The following MAPK9 variants were observed in gnomAD, a reference collection of about 807,000 sequenced individuals.
MAPK9 encodes mitogen-activated protein kinase 9, also known as Jun kinase.
A neutral mutation model predicts 57.1 loss-of-function variants in MAPK9; 30 were observed. That is an observed-to-expected ratio of 0.53 (90% CI 0.39 to 0.71). The LOEUF (loss-of-function observed/expected upper bound fraction) is 0.71. MAPK9 is among the 30% of genes least tolerant of loss of function. The pLI is 0.00. For missense variants in MAPK9, 362 were observed against 521.0 expected (o/e 0.69, Z 2.97); for synonymous variants, 155 against 177.0 (o/e 0.88, Z 0.99).
intron 7 of MAPK9, among the ~76,000 whole-genome samples, chr5:180,243,411 G>A (rs1757811748): frequency 6.6e-6 from 1 of 152,144 alleles, no homozygotes; most frequent in Non-Finnish European, 1.5e-5. Flanking sequence ...AGGCTTCCTT[G>A]GGGTCTGTTT....
chr5:180,239,823 T>C (rs918905246), intron 10 of MAPK9, 101 bp downstream of exon 10: 1 of 1,167,420 alleles, frequency 8.6e-7, no homozygotes. Context: ...GCAGGGTTTC[T>C]TGCCCCTTCC....
intron 4 of MAPK9, 63 bp downstream of exon 4, chr5:180,264,718 C>T: frequency 7.0e-7 from 1 of 1,425,606 alleles, no homozygotes; most frequent in Non-Finnish European, 9.4e-7. Context: ...AAAGCAGTTG[C>T]TGTCTTTTCT....
In MAPK9 at chr5:180,247,191, G is replaced by A. The variant is rs1035814848; in HGVS notation, c.688+248C>T. The A allele has an allele frequency of 3.7e-6, 2 of 534,312 alleles. No homozygotes were observed. Among genetic ancestry groups the A allele is most frequent in the African/African-American group, 3.8e-5 (2 of 52,114 alleles). 33.1% of individuals were successfully genotyped at this position (534,312 alleles called of 1,614,324 possible). ...CCAGCTATTTTTGGCAAAATTAAGA[G>A]CTAATATAATCGGTTTAACTGAACT... On this transcript the variant is annotated intron_variant, in intron 7 of 11. Coordinates refer to ENST00000452135, the MANE Select transcript of MAPK9 (RefSeq NM_002752.5). The surrounding 1 kb of genome is among the most constrained non-coding windows in gnomAD (Gnocchi z 4.5).
intron 1 of MAPK9, among the ~76,000 whole-genome samples, chr5:180,289,195 G>C (rs948096345): frequency 6.6e-6 from 1 of 152,084 alleles, no homozygotes; most frequent in African/African-American, 2.4e-5. Flanking sequence ...GGTTTGTCTG[G>C]TCCTTTTCTT....
At position 180,242,658 on chromosome 5, in the gene MAPK9, G is replaced by A. The variant is rs768944763; in HGVS notation, c.786C>T (p.Asn262=). 2 of 1,614,164 alleles carry A rather than the reference G, an allele frequency of 1.2e-6. No homozygotes were observed. The highest frequency in any genetic ancestry group is 3.3e-5 in the Admixed American group (2 of 60,030). Residue 262 remains asparagine, a synonymous_variant, in exon 8 of 12, where the codon AAC becomes AAT. Coordinates refer to ENST00000452135, the MANE Select transcript of MAPK9 (RefSeq NM_002752.5). ...ATTTGATTCCAGGATACTTTGGTCT[G>A]TTTTCGACATAATTCCTCACAGTTG... ...LQPTVRNYVE[N]RPKYPGIKFE... is the part of the protein sequence containing the mutation.
intron 3 of MAPK9, among the ~76,000 whole-genome samples, chr5:180,269,065 G>C (rs1760989250): frequency 6.6e-6 from 1 of 152,128 alleles, no homozygotes; most frequent in African/African-American, 2.4e-5. Context: ...CATGAACCCG[G>C]GAGGTGGAGC....
At chr5:180,259,425 C>G (rs1237741286) in intron 5 of MAPK9, among the ~76,000 whole-genome samples, 1 of 152,088 alleles carries the variant, frequency 6.6e-6, no homozygotes, top group African/African-American at 2.4e-5. Flanking sequence ...TCTATGTAAA[C>G]ATGAAAAATC....
intron 2 of MAPK9, among the ~76,000 whole-genome samples, chr5:180,270,302 C>T (rs35383323): frequency 3.8e-4 from 58 of 152,104 alleles, no homozygotes; most frequent in Non-Finnish European, 7.5e-4. Context: ...ATGCTTTTGC[C>T]AAACTCGAAC....
intron 6 of MAPK9, among the ~76,000 whole-genome samples, chr5:180,248,382 G>C (rs192187993): frequency 6.6e-6 from 1 of 152,310 alleles, no homozygotes; most frequent in Admixed American, 6.5e-5. Context: ...CAGATGACCC[G>C]GGCAAACTTT....
intron 2 of MAPK9, among the ~76,000 whole-genome samples, chr5:180,280,210 AAAAAG>A (rs1192849140): frequency 6.6e-6 from 1 of 152,238 alleles, no homozygotes; most frequent in African/African-American, 2.4e-5. Flanking sequence ...GAAACAAACA[AAAAAG>A]AAAACTTGCT....
intron 2 of MAPK9, among the ~76,000 whole-genome samples, chr5:180,269,976 C>A (rs34052651): frequency 0.093 from 14,194 of 152,244 alleles, 881 homozygotes; most frequent in Middle Eastern, 0.13. Flanking sequence ...ATATAAAGTT[C>A]TTTTAGAACT....
chr5:180,261,824 T>C lies in MAPK9; in HGVS notation c.312-2A>G. On this transcript the variant is annotated splice_acceptor_variant, in intron 4 of 11. Transcript: ENST00000452135. LOFTEE classifies it high-confidence loss of function. ...TCCATTAATTCCATAACCAAATACC[T>C]GAGGGAGAAAAGGTCAGTTATTTAT... The C allele has an allele frequency of 1.3e-6, 2 of 1,597,864 alleles. No individual in the cohort carries two copies. The highest frequency in any genetic ancestry group is 1.7e-6 in the Non-Finnish European group (2 of 1,174,426).
chr5:180,251,418 A>G (rs1240050399), intron 5 of MAPK9, among the ~76,000 whole-genome samples: 1 of 152,228 alleles, frequency 6.6e-6, no homozygotes, highest in South Asian at 2.1e-4. Flanking sequence ...TCATCTGAAG[A>G]CACTGCCATC....
chr5:180,285,202 G>A (rs954543423), intron 1 of MAPK9, among the ~76,000 whole-genome samples: 1 of 152,120 alleles, frequency 6.6e-6, no homozygotes, highest in Non-Finnish European at 1.5e-5. Context: ...TACTATCCCC[G>A]CTCTGCAAAT....
intron 1 of MAPK9, among the ~76,000 whole-genome samples, chr5:180,288,946 A>T (rs1163929929): frequency 6.6e-6 from 1 of 152,250 alleles, no homozygotes; most frequent in Non-Finnish European, 1.5e-5. Flanking sequence ...TTAAAATAAA[A>T]AGAATGATGT....
chr5:180,257,274 T>G (rs1759388612), intron 5 of MAPK9, among the ~76,000 whole-genome samples: 1 of 152,226 alleles, frequency 6.6e-6, no homozygotes, highest in South Asian at 2.1e-4. Flanking sequence ...ATGGCTGTGA[T>G]GGAACCAATC....
At chr5:180,280,709 G>GT in intron 1 of MAPK9, 101 bp from the exon 2 acceptor site, 1 of 907,958 alleles carries the variant, frequency 1.1e-6, no homozygotes, top group Non-Finnish European at 1.5e-6. Context: ...CAATGTGGCT[G>GT]TAAGTTGATA....
At chr5:180,277,224 C>G (rs1381342083) in intron 2 of MAPK9, among the ~76,000 whole-genome samples, 2 of 152,206 alleles carry the variant, frequency 1.3e-5, no homozygotes, top group East Asian at 3.8e-4. Flanking sequence ...GCTTTAAAGC[C>G]ACACAAACTT....
chr5:180,249,799 A>G (rs550314655), intron 5 of MAPK9, among the ~76,000 whole-genome samples: 3 of 152,378 alleles, frequency 2.0e-5, no homozygotes, highest in South Asian at 2.1e-4. Flanking sequence ...TGTAATCAAC[A>G]TAAGAAAAAT....
Sources: gnomAD v4.1 joint callset for allele counts (sites outside exome capture counted in the v4.1 genomes callset) on GRCh38, gnomAD v4.1.1 for gene constraint, Gnocchi (gnomAD v3.1) non-coding constraint, MANE v1.5 for transcripts, NCBI Gene and HGNC (gene_info 2026-07-23, HGNC 2026-07-21) for gene names.